The following ACOT1 variants were observed in gnomAD, a reference collection of about 807,000 sequenced individuals.
ACOT1 encodes the protein acyl-CoA thioesterase 1.
A neutral mutation model predicts 15.7 loss-of-function variants in ACOT1; 8 were observed. The observed-to-expected ratio is 0.51, with a 90% CI of 0.30 to 0.92. ACOT1 has a LOEUF of 0.92. ACOT1 is among the 40% of genes least tolerant of loss of function. ACOT1 has a pLI of 0.06. For synonymous variants in ACOT1, 67 were observed against 241.2 expected (o/e 0.28, Z 6.69); for missense variants, 151 against 539.4 (o/e 0.28, Z 7.13).
rs575442082 is a variant in ACOT1 at position 73,539,059 on chromosome 14, CT to C, written c.457+1191del. On this transcript the variant is annotated intron_variant, in intron 1 of 2. Coordinates refer to ENST00000311148, the MANE Select transcript of ACOT1 (RefSeq NM_001037161.2). ...TATTTATGTATGGACCAGGAAGTCA[CT>C]TTTTTTTTTAATAAAAAGAATTCCA... 1.4e-4 allele frequency among the ~76,000 whole-genome samples: 15 copies of C among 110,452 alleles called. 1 individual carries two copies. The highest frequency in any genetic ancestry group is 1.6e-4 in the Non-Finnish European group (8 of 50,556). The allele number at this position is 110,452 out of a possible 152,430, so 72.5% of individuals were successfully genotyped here. A position where few individuals can be genotyped will look rare whatever the true frequency, so the allele number is the denominator to read the frequency against.
chr14:73,498,753 G>A, the ACOT1 span, among the ~76,000 whole-genome samples: 9 of 152,306 alleles, frequency 5.9e-5, no homozygotes, highest in South Asian at 8.3e-4. Flanking sequence ...TTTGCAGAGC[G>A]TAATAGTTGA....
chr14:73,498,982 C>T, the ACOT1 span: 3 of 1,082,470 alleles, frequency 2.8e-6, no homozygotes, highest in Admixed American at 1.7e-5. Flanking sequence ...CTGCACTTCA[C>T]CCCATTAGAG....
the ACOT1 span, chr14:73,491,314 C>G: frequency 6.6e-7 from 1 of 1,516,332 alleles, no homozygotes; most frequent in Non-Finnish European, 8.8e-7. Context: ...CATACGGCCA[C>G]CTGGGGCCCG....
At chr14:73,517,777 A>G in the ACOT1 span, among the ~76,000 whole-genome samples, 1 of 144,076 alleles carries the variant, frequency 6.9e-6, no homozygotes, top group East Asian at 1.9e-4. Flanking sequence ...GAAGGAAAAA[A>G]AGGAAGGGAG....
the ACOT1 span, among the ~76,000 whole-genome samples, chr14:73,525,017 T>C: frequency 6.6e-6 from 1 of 152,062 alleles, no homozygotes; most frequent in Non-Finnish European, 1.5e-5. Context: ...CTTTTTTGTG[T>C]GTTTTTTTTC....
chr14:73,515,703 C>A, the ACOT1 span, among the ~76,000 whole-genome samples: 1 of 129,922 alleles, frequency 7.7e-6, no homozygotes, highest in African/African-American at 2.9e-5. Flanking sequence ...AAAAAAGAGT[C>A]CTGTGAGACT....
chr14:73,522,092 T>C, the ACOT1 span, among the ~76,000 whole-genome samples: 3 of 152,204 alleles, frequency 2.0e-5, no homozygotes, highest in African/African-American at 7.2e-5. Context: ...CAACCCAGAA[T>C]GTCAGCAGTG....
the ACOT1 span, chr14:73,522,408 C>T: frequency 2.5e-6 from 4 of 1,614,278 alleles, no homozygotes; most frequent in East Asian, 4.5e-5. Flanking sequence ...GAGGTAAGCT[C>T]ATCCCGAATG....
At chr14:73,492,049 C>T in the ACOT1 span, 3 of 1,613,996 alleles carry the variant, frequency 1.9e-6, no homozygotes, top group Non-Finnish European at 2.5e-6. The surrounding 1 kb of genome is among the most constrained non-coding windows in gnomAD (Gnocchi z 4.9). Context: ...ACGACGACAT[C>T]GAGGCCTTCG....
chr14:73,524,635 C>T, the ACOT1 span, among the ~76,000 whole-genome samples: 2 of 149,462 alleles, frequency 1.3e-5, no homozygotes, highest in African/African-American at 2.5e-5. Context: ...TCACATAGCC[C>T]GTAAGCAGAG....
the ACOT1 span, among the ~76,000 whole-genome samples, chr14:73,509,969 G>T: frequency 2.0e-5 from 3 of 149,404 alleles, no homozygotes; most frequent in African/African-American, 7.4e-5. Flanking sequence ...CGCCTCCTGG[G>T]TTCACACCAT....
chr14:73,509,870 T>TATA, the ACOT1 span, among the ~76,000 whole-genome samples: 9 of 65,120 alleles, frequency 1.4e-4, 1 homozygote, highest in Non-Finnish European at 2.6e-4. Flanking sequence ...ATATATATAT[T>TATA]TATTTATTTT....
Position 73,539,123 on chromosome 14 carries a change from G to A in ACOT1, c.457+1245G>A. 2 of 114,520 alleles carry A rather than the reference G, an allele frequency of 1.7e-5. 1 individual carries two copies. The highest frequency in any genetic ancestry group is 3.8e-5 in the Non-Finnish European group (2 of 52,530). The allele number at this position is 114,520 out of a possible 1,614,324, so 7.1% of individuals were successfully genotyped here. A position where few individuals can be genotyped will look rare whatever the true frequency, so the allele number is the denominator to read the frequency against. On this transcript the variant is annotated intron_variant, in intron 1 of 2. Coordinates refer to ENST00000311148, the MANE Select transcript of ACOT1 (RefSeq NM_001037161.2). ...ACTGTATTTCCATGGCAGCTAGGAG[G>A]TGCCAGGTGGCTGGGCCTGTGACAG...
chr14:73,500,658 C>T, the ACOT1 span: 1 of 1,614,196 alleles, frequency 6.2e-7, no homozygotes, highest in Middle Eastern at 1.7e-4. Flanking sequence ...GCTTGGCGGT[C>T]ATAAGCTTGA....
chr14:73,506,808 T>TTTTTTTTTTTGTTTTG, the ACOT1 span, among the ~76,000 whole-genome samples: 13 of 111,462 alleles, frequency 1.2e-4, no homozygotes, highest in South Asian at 1.0e-3. Flanking sequence ...TTAACTGTTT[T>TTTTTTTTTTTGTTTTG]TTTTTTTTTT....
the ACOT1 span, among the ~76,000 whole-genome samples, chr14:73,510,354 AG>A: frequency 6.6e-6 from 1 of 152,154 alleles, no homozygotes; most frequent in African/African-American, 2.4e-5. Context: ...GCATGGCACC[AG>A]AAGAATATGG....
the ACOT1 span, chr14:73,492,087 G>A: frequency 6.2e-7 from 1 of 1,613,980 alleles, no homozygotes; most frequent in Non-Finnish European, 8.5e-7. This position sits in a 1 kb window ranked among gnomAD's most constrained non-coding sequence, Gnocchi z 4.9. Context: ...AGGAAACTCT[G>A]GCGTGTATAC....
At chr14:73,531,312 G>A in the ACOT1 span, 1 of 112,512 alleles carries the variant, frequency 8.9e-6, no homozygotes, top group Non-Finnish European at 1.9e-5. Context: ...GTTCAGTCGG[G>A]GGTATATCTT....
At chr14:73,493,814 G>C in the ACOT1 span, among the ~76,000 whole-genome samples, 4 of 152,260 alleles carry the variant, frequency 2.6e-5, no homozygotes, top group South Asian at 2.1e-4. Flanking sequence ...TTCCAGCCTG[G>C]GCAACAGAGC....
Sources: gnomAD v4.1 joint callset for allele counts (sites outside exome capture counted in the v4.1 genomes callset) on GRCh38, gnomAD v4.1.1 for gene constraint, Gnocchi (gnomAD v3.1) non-coding constraint, MANE v1.5 for transcripts, NCBI Gene and HGNC (gene_info 2026-07-23, HGNC 2026-07-21) for gene names.